MYH14: variants seen among roughly 807,000 people sequenced by gnomAD.
MYH14 encodes the protein myosin-14.
MYH14 carries 123 observed loss-of-function variants against 255.5 expected under a neutral mutation model. The observed-to-expected ratio is 0.48, with a 90% CI of 0.42 to 0.56. The LOEUF (loss-of-function observed/expected upper bound fraction) is 0.56. MYH14 is among the 20% of genes least tolerant of loss of function. MYH14 has a pLI of 0.00. For missense variants in MYH14, 2,423 were observed against 2,802.3 expected (o/e 0.86, Z 3.06); for synonymous variants, 1,095 against 1,161.2 (o/e 0.94, Z 1.16).
chr19:50,207,639 G>C (rs2031885158), intron 1 of MYH14, among the ~76,000 whole-genome samples: 1 of 152,202 alleles, frequency 6.6e-6, no homozygotes, highest in South Asian at 2.1e-4. Context: ...CCATTTTATG[G>C]AGAAGGAGTC....
intron 2 of MYH14, among the ~76,000 whole-genome samples, chr19:50,212,562 G>T (rs1398846875): frequency 2.0e-5 from 3 of 152,200 alleles, no homozygotes; most frequent in African/African-American, 4.8e-5. Context: ...CCAGGCAGCT[G>T]GTTCCAGAGT....
rs1224259391 is a variant in MYH14, at chr19:50,267,013, G to C, written c.2826+5G>C. 5.8e-6 allele frequency: 9 copies of C among 1,554,084 alleles called. No individual in the cohort carries two copies. The highest frequency in any genetic ancestry group is 7.0e-6 in the Non-Finnish European group (8 of 1,149,834). On this transcript the variant is annotated splice_donor_5th_base_variant and intron_variant, in intron 23 of 42. Transcript: ENST00000642316. ...CTCCAGGGCCGAGTGGCACAGGTGA[G>C]GGGGCGGGGGCAGGGCGTGGGGGCG...
intron 10 of MYH14, among the ~76,000 whole-genome samples, chr19:50,233,422 G>A (rs1289085361): frequency 6.6e-6 from 1 of 151,980 alleles, no homozygotes; most frequent in African/African-American, 2.4e-5. Context: ...CACCCTCCTC[G>A]GCCTCTCAAA....
In MYH14 at chr19:50,276,319, A is replaced by G; in HGVS notation, c.3680+116A>G. ...CTTACTTATTGTACAGTTGTTCATG[A>G]ACCACCGGCTCTAGGTCCGGCCTGG... is the stretch of plus-strand genomic sequence containing the variant. On this transcript the variant is annotated intron_variant, in intron 28 of 42. Transcript: ENST00000642316. This position sits in a 1 kb window ranked among gnomAD's most constrained non-coding sequence, Gnocchi z 4.3. 1.1e-6 allele frequency: 1 copy of G among 878,688 alleles called. No individual in the cohort carries two copies. Among genetic ancestry groups the G allele is most frequent in the Non-Finnish European group, 1.7e-6 (1 of 594,274 alleles). 54.4% of individuals were successfully genotyped at this position (878,688 alleles called of 1,614,324 possible).
In MYH14 at chr19:50,266,290, G is replaced by A. The variant is rs1276173949; in HGVS notation, c.2695-587G>A. 6.6e-6 allele frequency among the ~76,000 whole-genome samples: 1 copy of A among 152,210 alleles called. No individual in the cohort carries two copies. Among genetic ancestry groups the A allele is most frequent in the East Asian group, 1.9e-4 (1 of 5,198 alleles). On this transcript the variant is annotated intron_variant, in intron 22 of 42. Transcript: ENST00000642316. The surrounding 1 kb of genome is among the most constrained non-coding windows in gnomAD (Gnocchi z 4.1). ...GAAACACTGGCCTTTGGCCAGGCATGGTGGCTCATGCCTATATCCCAACAC... is the reference window on the plus strand; with the variant it reads ...GAAACACTGGCCTTTGGCCAGGCATAGTGGCTCATGCCTATATCCCAACAC...
rs149916863 is a variant in MYH14 at position 50,290,092 on chromosome 19, A to G, written c.4965+444A>G. Among the ~76,000 whole-genome samples the G allele has an allele frequency of 1.1e-4, 16 of 151,360 alleles. No homozygotes were observed. The East Asian group carries it at 2.5e-3, about 24-fold the overall frequency. On this transcript the variant is annotated intron_variant, in intron 35 of 42. Coordinates refer to ENST00000642316, the MANE Select transcript of MYH14 (RefSeq NM_001145809.2). ...CCACCCACATACAGCCTCTCCCCCA[A>G]CCAGCGTTGTGTCCAACTACTGCTC...
chr19:50,293,869 G>A lies in MYH14; in HGVS notation c.5469+182G>A, dbSNP rs775441365. On this transcript the variant is annotated intron_variant, in intron 39 of 42. Transcript: ENST00000642316. This position sits in a 1 kb window ranked among gnomAD's most constrained non-coding sequence, Gnocchi z 4.1. ...TTGTATTTCTGAGGGGTTTCTTCAG[G>A]GCTAAATCCAAAGATGAATTATGTG... Among the ~76,000 whole-genome samples, 16 of 152,234 alleles carry A rather than the reference G, an allele frequency of 1.1e-4. No individual in the cohort carries two copies. Among genetic ancestry groups the A allele is most frequent in the South Asian group, 2.1e-4 (1 of 4,816 alleles).
intron 27 of MYH14, among the ~76,000 whole-genome samples, chr19:50,274,740 G>T (rs1209168212): frequency 1.3e-5 from 2 of 152,104 alleles, no homozygotes; most frequent in African/African-American, 4.8e-5. Context: ...ACCAGCCTGG[G>T]CAATATAATG....
Position 50,266,757 on chromosome 19 carries a change from G to C in MYH14, c.2695-120G>C. On this transcript the variant is annotated intron_variant, in intron 22 of 42. Transcript: ENST00000642316. This position sits in a 1 kb window ranked among gnomAD's most constrained non-coding sequence, Gnocchi z 4.1. ...TGTGACCAGGGACTGTTGCCAAGGC[G>C]GGGACACACAGCTAATAGGTGGAGG... is the stretch of plus-strand genomic sequence containing the variant. 2.2e-6 allele frequency: 3 copies of C among 1,337,612 alleles called. No individual in the cohort carries two copies. The highest frequency in any genetic ancestry group is 3.1e-6 in the Non-Finnish European group (3 of 966,990). The allele number at this position is 1,337,612 out of a possible 1,614,324, so 82.9% of individuals were successfully genotyped here. A position where few individuals can be genotyped will look rare whatever the true frequency, so the allele number is the denominator to read the frequency against.
Position 50,286,530 on chromosome 19 carries a change from G to A in MYH14, c.4588G>A (p.Glu1530Lys). 1 of 1,613,492 alleles carries A rather than the reference G, an allele frequency of 6.2e-7. No individual in the cohort carries two copies. The highest frequency in any genetic ancestry group is 8.5e-7 in the Non-Finnish European group (1 of 1,179,716). Residue 1530 changes from glutamate (E) to lysine (K), a missense_variant, in exon 34 of 43, where the codon GAG (glutamate) becomes AAG (lysine). This residue lies in a region of MYH14 where 1,513 missense variants were observed against 1,674.8 expected (regional missense o/e 0.90). Coordinates refer to ENST00000642316, the MANE Select transcript of MYH14 (RefSeq NM_001145809.2). Reference sequence around the variant, plus strand: ...TGTACTTCGGGCAGTGGAGGAACGTGAGCGGGCCGAGGCAGAGGGCCGGGA... The same window carrying A: ...TGTACTTCGGGCAGTGGAGGAACGTAAGCGGGCCGAGGCAGAGGGCCGGGA... ...AAVLRAVEER[E>K]RAEAEGRERE...
chr19:50,266,815 A>C lies in MYH14; in HGVS notation c.2695-62A>C, dbSNP rs2035097363. The stretch of plus-strand genomic sequence containing the variant: ...ATTTGAACCCAGAAACTCAAACCCC[A>C]CTAAGAGTGTGAGGTCTTGGCGCCT... On this transcript the variant is annotated intron_variant, in intron 22 of 42. Transcript: ENST00000642316. The surrounding 1 kb of genome is among the most constrained non-coding windows in gnomAD (Gnocchi z 4.1). 1 of 1,548,890 alleles carries C rather than the reference A, an allele frequency of 6.5e-7. No individual in the cohort carries two copies. Among genetic ancestry groups the C allele is most frequent in the Admixed American group, 2.0e-5 (1 of 50,974 alleles).
At chr19:50,306,596 G>A (rs188586501) in intron 40 of MYH14, among the ~76,000 whole-genome samples, 5 of 152,294 alleles carry the variant, frequency 3.3e-5, no homozygotes, top group Admixed American at 2.6e-4. Flanking sequence ...GAACACAGGA[G>A]CCATGCAAAA....
intron 1 of MYH14, among the ~76,000 whole-genome samples, chr19:50,207,186 T>C (rs2031810891): frequency 6.8e-6 from 1 of 148,016 alleles, no homozygotes; most frequent in African/African-American, 2.5e-5. Context: ...ATTGTGCCAC[T>C]GCACTCCAAC....
intron 22 of MYH14, among the ~76,000 whole-genome samples, chr19:50,263,942 A>G (rs1334893808): frequency 1.3e-5 from 2 of 150,570 alleles, no homozygotes; most frequent in African/African-American, 4.9e-5. Context: ...CTGTAGTCCC[A>G]GCTACTTGGG....
At chr19:50,267,665 C>T (rs773843906) in intron 23 of MYH14, among the ~76,000 whole-genome samples, 1 of 135,456 alleles carries the variant, frequency 7.4e-6, no homozygotes, top group Non-Finnish European at 1.6e-5. Flanking sequence ...CAAACCCCTT[C>T]TTGAGCATTT....
At chr19:50,260,468 G>A (rs113657037) in intron 19 of MYH14, among the ~76,000 whole-genome samples, 178 bp from the exon 20 acceptor site, 91 of 152,192 alleles carry the variant, frequency 6.0e-4, no homozygotes, top group African/African-American at 1.9e-3. Context: ...GATCATTGTC[G>A]ATGTTGCTGT....
Position 50,307,053 on chromosome 19 carries a change from C to T in MYH14, c.5683C>T (p.Arg1895Cys), listed in dbSNP as rs200485394. Residue 1895 changes from arginine to cysteine, a missense_variant, in exon 41 of 43, where the codon CGC (arginine) becomes TGC (cysteine). Arg to Cys is a radical substitution (Grantham distance 180, BLOSUM62 -3). Around this residue, in one of 3 missense-constraint regions of MYH14, gnomAD observed 1,513 missense variants for 1,674.8 expected, o/e 0.90. Transcript: ENST00000642316. ...CCTCCTCATCCCTCTCTTCAGAGAG[C>T]GCATCCTCTCTGGAAAGCTGGTGCG... ...EEQLEQETRE[R>C]ILSGKLVRRA... The T allele has an allele frequency of 2.6e-4, 398 of 1,547,754 alleles. No individual in the cohort carries two copies. Among genetic ancestry groups the T allele is most frequent in the African/African-American group, 2.0e-3 (148 of 73,098 alleles).
rs1463460115 is a variant in MYH14 at position 50,276,935 on chromosome 19, C to A, written c.3825+34C>A. On this transcript the variant is annotated intron_variant, in intron 29 of 42. Transcript: ENST00000642316. The surrounding 1 kb of genome is among the most constrained non-coding windows in gnomAD (Gnocchi z 4.3). ...GGGCAGGGGGACAGGGCAGGGGGGCCACGGGGAGGGCAGGGCAGGACGCGG... is the reference window on the plus strand; with the variant it reads ...GGGCAGGGGGACAGGGCAGGGGGGCAACGGGGAGGGCAGGGCAGGACGCGG... 5 of 1,427,088 alleles carry A rather than the reference C, an allele frequency of 3.5e-6. No individual in the cohort carries two copies. In the African/African-American group the frequency reaches 4.2e-5, roughly 12 times the overall value. The allele number at this position is 1,427,088 out of a possible 1,614,324, so 88.4% of individuals were successfully genotyped here.
At chr19:50,212,559 G>A (rs75461854) in intron 2 of MYH14, among the ~76,000 whole-genome samples, 5,827 of 152,326 alleles carry the variant, frequency 0.038, 119 homozygotes, top group Middle Eastern at 0.054. Flanking sequence ...AACCCAGGCA[G>A]CTGGTTCCAG....
Sources: gnomAD v4.1 joint callset for allele counts (sites outside exome capture counted in the v4.1 genomes callset) on GRCh38, gnomAD v4.1.1 for gene constraint, gnomAD v4.1.1 regional missense constraint, Gnocchi (gnomAD v3.1) non-coding constraint, MANE v1.5 for transcripts, NCBI Gene and HGNC (gene_info 2026-07-23, HGNC 2026-07-21) for gene names.